The following UVRAG variants were observed in gnomAD, a reference collection of about 807,000 sequenced individuals.
UVRAG encodes the protein UV radiation resistance associated.
A neutral mutation model predicts 78.0 loss-of-function variants in UVRAG; 19 were observed. The ratio of observed to expected loss-of-function variants is 0.24; its 90% CI spans 0.17 to 0.36. The LOEUF (loss-of-function observed/expected upper bound fraction) is 0.36, where lower values mean the gene tolerates loss of function less well. Ranked by LOEUF, UVRAG falls within the 10% of genes least tolerant of loss-of-function variation. The pLI is 1.00. For synonymous variants in UVRAG, 323 were observed against 324.6 expected, an observed-to-expected ratio of 1.00 and a Z score of 0.05; for missense variants, 740 against 853.8, an observed-to-expected ratio of 0.87 and a Z score of 1.66.
intron 3 of UVRAG, among the ~76,000 whole-genome samples, chr11:75,875,864 C>G (rs374165256): frequency 2.3e-4 from 35 of 152,032 alleles, no homozygotes; most frequent in African/African-American, 7.5e-4. Flanking sequence ...TGAATTATGT[C>G]CTTGCTTCCT....
At chr11:76,031,373 A>G (rs1406470471) in intron 12 of UVRAG, among the ~76,000 whole-genome samples, 1 of 152,242 alleles carries the variant, frequency 6.6e-6, no homozygotes, top group Non-Finnish European at 1.5e-5. Context: ...CACCTTGTGA[A>G]GATTAGGCAT....
intron 1 of UVRAG, among the ~76,000 whole-genome samples, chr11:75,830,645 G>A (rs192183667): frequency 5.2e-4 from 79 of 152,180 alleles, no homozygotes; most frequent in Non-Finnish European, 8.4e-4. Flanking sequence ...AGGTAACTTT[G>A]GAAAAAGTGC....
intron 1 of UVRAG, among the ~76,000 whole-genome samples, chr11:75,848,702 G>A (rs972456836): frequency 6.6e-6 from 1 of 152,136 alleles, no homozygotes. Context: ...ATTTCCTTGT[G>A]TTCTGTAGTA....
intron 6 of UVRAG, among the ~76,000 whole-genome samples, chr11:75,937,531 G>C (rs1414065970): frequency 1.3e-5 from 2 of 152,150 alleles, no homozygotes; most frequent in African/African-American, 2.4e-5. Flanking sequence ...GGAAATCTAG[G>C]TTACGGGTTT....
chr11:75,844,686 T>G (rs560429704), intron 1 of UVRAG, among the ~76,000 whole-genome samples: 107 of 152,024 alleles, frequency 7.0e-4, no homozygotes, highest in African/African-American at 2.5e-3. Context: ...TTCTTTTTTT[T>G]TTTTGAGACA....
chr11:75,929,215 A>G (rs572468434), intron 6 of UVRAG, among the ~76,000 whole-genome samples: 1 of 152,332 alleles, frequency 6.6e-6, no homozygotes, highest in South Asian at 2.1e-4. Flanking sequence ...ATTTTATGAC[A>G]AATTAGGTGC....
intron 9 of UVRAG, among the ~76,000 whole-genome samples, chr11:76,006,325 C>T (rs1949937201): frequency 6.6e-6 from 1 of 152,072 alleles, no homozygotes; most frequent in Admixed American, 6.6e-5. Flanking sequence ...ACTTACTTTA[C>T]AGGTATTTTA....
intron 14 of UVRAG, among the ~76,000 whole-genome samples, chr11:76,132,816 A>C (rs1045450476): frequency 6.6e-6 from 1 of 152,118 alleles, no homozygotes; most frequent in Non-Finnish European, 1.5e-5. Flanking sequence ...TTAACCTAAA[A>C]ATTTTTCTCA....
chr11:75,854,716 C>A (rs1462279574), intron 2 of UVRAG, among the ~76,000 whole-genome samples: 1 of 152,190 alleles, frequency 6.6e-6, no homozygotes, highest in Non-Finnish European at 1.5e-5. Context: ...TGTGCTTGGC[C>A]TGAATTGTCC....
At chr11:75,923,485 T>A (rs1002447874) in intron 6 of UVRAG, among the ~76,000 whole-genome samples, 19 of 152,204 alleles carry the variant, frequency 1.2e-4, no homozygotes, top group Admixed American at 5.2e-4. Flanking sequence ...CATTTGTCTC[T>A]GGATCGCTGG....
rs758157221 is a variant in UVRAG, at chr11:75,930,931, C to CTTTCTTTA, written c.593+18899_593+18900insATTTCTTT. 5.1e-5 allele frequency: 6 copies of CTTTCTTTA among 118,776 alleles called. 1 individual carries two copies. The highest frequency in any genetic ancestry group is 1.0e-4 in the Non-Finnish European group (6 of 60,112). The allele number at this position is 118,776 out of a possible 1,614,324, so 7.4% of individuals were successfully genotyped here. On this transcript the variant is annotated intron_variant, in intron 6 of 14. Coordinates refer to ENST00000356136, the MANE Select transcript of UVRAG (RefSeq NM_003369.4). ...GGAAAAGGTAAAGTGTCGGGATTTT[C>CTTTCTTTA]TTTCTTTCTTTCTTTCTTTCTTTCT...
Position 76,016,901 on chromosome 11 carries a change from A to C in UVRAG, c.1147A>C (p.Arg383=), listed in dbSNP as rs907179381. The C allele has an allele frequency of 1.2e-6, 2 of 1,612,752 alleles. No individual in the cohort carries two copies. Among genetic ancestry groups the C allele is most frequent in the Non-Finnish European group, 1.7e-6 (2 of 1,179,134 alleles). ...MISFFLQVPL[R]YPIIHKGSRS... ...TTCCTTTTTCCTACAAGTGCCCCTC[A>C]GATATCCTATAATTCATAAGGGGTC... Residue 383 remains arginine (R), a synonymous_variant, in exon 12 of 15, where the codon AGA becomes CGA. Transcript: ENST00000356136.
intron 1 of UVRAG, among the ~76,000 whole-genome samples, chr11:75,840,362 G>A (rs554385678): frequency 2.6e-5 from 4 of 151,936 alleles, no homozygotes; most frequent in Non-Finnish European, 5.9e-5. Context: ...TACAGAGGGC[G>A]GTAGCGGATC....
chr11:76,112,694 GT>G (rs1250042739), intron 13 of UVRAG, among the ~76,000 whole-genome samples: 2 of 151,088 alleles, frequency 1.3e-5, no homozygotes, highest in African/African-American at 2.4e-5. Context: ...ATTGAGAAGA[GT>G]TTTAAGGTTT....
chr11:75,854,407 T>C (rs1946237676), intron 2 of UVRAG, among the ~76,000 whole-genome samples: 1 of 152,158 alleles, frequency 6.6e-6, no homozygotes, highest in Non-Finnish European at 1.5e-5. Context: ...TTGTCCTTTT[T>C]ATTTTTTATT....
intron 13 of UVRAG, among the ~76,000 whole-genome samples, chr11:76,093,207 G>A (rs1374234039): frequency 1.3e-5 from 2 of 151,524 alleles, no homozygotes; most frequent in Non-Finnish European, 2.9e-5. Flanking sequence ...CTCTATTTTG[G>A]TACCAGTACC....
chr11:75,899,660 C>G (rs965232133), intron 5 of UVRAG, among the ~76,000 whole-genome samples: 21 of 152,194 alleles, frequency 1.4e-4, no homozygotes, highest in African/African-American at 5.1e-4. Flanking sequence ...AGTGTGACAG[C>G]GTACCAAGTC....
intron 1 of UVRAG, 126 bp from the exon 2 acceptor site, chr11:75,851,757 G>T: frequency 4.1e-6 from 3 of 733,096 alleles, no homozygotes; most frequent in African/African-American, 1.8e-5. Flanking sequence ...ACTGGGTTAT[G>T]GTTTCTGGCT....
chr11:75,929,076 T>C (rs537220594), intron 6 of UVRAG, among the ~76,000 whole-genome samples: 1 of 152,228 alleles, frequency 6.6e-6, no homozygotes, highest in Non-Finnish European at 1.5e-5. Context: ...TCCAACATTT[T>C]AAATGATTGA....
Sources: allele counts gnomAD v4.1 joint callset (sites outside exome capture counted in the v4.1 genomes callset), GRCh38; gene constraint gnomAD v4.1.1; transcripts MANE v1.5; gene names NCBI Gene and HGNC (gene_info 2026-07-23, HGNC 2026-07-21).